The following ALDH1A2 variants were observed in gnomAD, a reference collection of about 807,000 sequenced individuals.
ALDH1A2 encodes aldehyde dehydrogenase 1 family member A2.
Under a neutral mutation model 60.3 loss-of-function variants are expected in ALDH1A2, and 27 were observed. The observed-to-expected ratio is 0.45, with a 90% CI of 0.33 to 0.62. The LOEUF (loss-of-function observed/expected upper bound fraction) is 0.62. Ranked by LOEUF, ALDH1A2 falls within the 20% of genes least tolerant of loss-of-function variation. The pLI is 0.02. For missense variants in ALDH1A2, 581 were observed against 643.8 expected, an observed-to-expected ratio of 0.90 and a Z score of 1.06; for synonymous variants, 289 against 232.4, an observed-to-expected ratio of 1.24 and a Z score of -2.21.
rs755530487 is a variant in ALDH1A2, at chr15:58,013,868, G to T, written c.353C>A (p.Ala118Glu). 32 of 1,614,040 alleles carry T rather than the reference G, an allele frequency of 2.0e-5. No homozygotes were observed. The highest frequency in any genetic ancestry group is 1.6e-4 in the Middle Eastern group (1 of 6,082). The change falls in exon 3 of 13, where the codon GCA becomes GAA. Residue 118 changes from alanine (A) to glutamate (E), a missense_variant. By Grantham distance (107) the Ala-to-Glu change is moderately radical. Around this residue, in one of 2 missense-constraint regions of ALDH1A2, gnomAD observed 206 missense variants for 174.1 expected, o/e 1.18. Coordinates refer to ENST00000249750, the MANE Select transcript of ALDH1A2 (RefSeq NM_003888.4). ...TCTTAGGTTACTTACTGCAAGAACTGCCCTGTCCCGTTCCACCAAGTCTGC... is the reference window on the plus strand; with the variant it reads ...TCTTAGGTTACTTACTGCAAGAACTTCCCTGTCCCGTTCCACCAAGTCTGC... The part of the protein sequence containing the change: ...KLADLVERDR[A>E]VLATMESLNG...
intron 12 of ALDH1A2, among the ~76,000 whole-genome samples, chr15:57,957,181 C>CA (rs1287155834): frequency 6.6e-6 from 1 of 152,192 alleles, no homozygotes; most frequent in Admixed American, 6.5e-5. Context: ...CAGGAGTGCC[C>CA]ACTCAGCTCT....
At chr15:58,062,995 T>C (rs1225132799) in intron 1 of ALDH1A2, among the ~76,000 whole-genome samples, 1 of 152,152 alleles carries the variant, frequency 6.6e-6, no homozygotes, top group Non-Finnish European at 1.5e-5. Context: ...ATTCTGGTCA[T>C]CTCCCCCATT....
At chr15:58,001,959 A>C (rs1295690151) in intron 4 of ALDH1A2, among the ~76,000 whole-genome samples, 2 of 151,868 alleles carry the variant, frequency 1.3e-5, no homozygotes, top group Non-Finnish European at 2.9e-5. Context: ...GATCAAAACA[A>C]ATACTAAGTC....
At chr15:57,979,487 C>G (rs901128611) in intron 7 of ALDH1A2, among the ~76,000 whole-genome samples, 4 of 152,098 alleles carry the variant, frequency 2.6e-5, no homozygotes, top group African/African-American at 9.7e-5. Context: ...TCACCATACA[C>G]ATATTGGGAT....
At chr15:58,035,014 A>G (rs1896341241) in intron 1 of ALDH1A2, among the ~76,000 whole-genome samples, 1 of 151,636 alleles carries the variant, frequency 6.6e-6, no homozygotes, top group Non-Finnish European at 1.5e-5. Flanking sequence ...CTCTGCTTCA[A>G]CTTTCTGGAA....
chr15:57,997,124 T>G (rs1895089953), intron 4 of ALDH1A2, among the ~76,000 whole-genome samples: 1 of 152,030 alleles, frequency 6.6e-6, no homozygotes, highest in Non-Finnish European at 1.5e-5. Flanking sequence ...TTAAAATATC[T>G]ATTACGAGAA....
At chr15:58,026,938 G>T (rs1050966455) in intron 1 of ALDH1A2, among the ~76,000 whole-genome samples, 1 of 152,226 alleles carries the variant, frequency 6.6e-6, no homozygotes, top group Admixed American at 6.5e-5. Flanking sequence ...ACCTCTGTGG[G>T]CAGGGCATAG....
intron 1 of ALDH1A2, among the ~76,000 whole-genome samples, chr15:58,044,909 T>G (rs1324539674): frequency 1.3e-5 from 2 of 151,940 alleles, no homozygotes; most frequent in African/African-American, 4.8e-5. Flanking sequence ...TGAGTCCTTT[T>G]TCATATGTTC....
chr15:57,972,422 C>A (rs1422060420), intron 7 of ALDH1A2, among the ~76,000 whole-genome samples: 1 of 152,194 alleles, frequency 6.6e-6, no homozygotes, highest in Non-Finnish European at 1.5e-5. Context: ...CTTTAAAAAT[C>A]AAGGTTTTGA....
chr15:58,013,825 G>A, intron 3 of ALDH1A2, 33 bp downstream of exon 3: 2 of 1,613,828 alleles, frequency 1.2e-6, no homozygotes, highest in Non-Finnish European at 1.7e-6. Flanking sequence ...GCAAATGTGG[G>A]TTAAAGACTT....
chr15:57,966,507 C>T (rs191525704), intron 7 of ALDH1A2, among the ~76,000 whole-genome samples: 1 of 152,184 alleles, frequency 6.6e-6, no homozygotes, highest in Non-Finnish European at 1.5e-5. Context: ...CCACTTAGAG[C>T]CCCTGCTCAA....
chr15:58,010,546 G>A, intron 4 of ALDH1A2, 103 bp downstream of exon 4: 5 of 1,473,440 alleles, frequency 3.4e-6, no homozygotes, highest in Non-Finnish European at 4.7e-6. Context: ...CTGTAAGTGT[G>A]CTCATATCTG....
At chr15:58,034,737 TTTTC>T (rs746639464) in intron 1 of ALDH1A2, among the ~76,000 whole-genome samples, 3 of 151,722 alleles carry the variant, frequency 2.0e-5, no homozygotes, top group Admixed American at 6.6e-5. Flanking sequence ...TCTCCTGATT[TTTTC>T]TTTGTCAGCC....
chr15:57,984,017 G>A (rs1279486466), intron 7 of ALDH1A2, among the ~76,000 whole-genome samples: 1 of 152,242 alleles, frequency 6.6e-6, no homozygotes, highest in Non-Finnish European at 1.5e-5. Context: ...ATGCTGCACT[G>A]AGAAATTATC....
chr15:58,013,581 G>T (rs746535162), intron 3 of ALDH1A2, among the ~76,000 whole-genome samples: 1 of 151,792 alleles, frequency 6.6e-6, no homozygotes, highest in East Asian at 1.9e-4. Flanking sequence ...GTGAAACCCC[G>T]TCTCTACTAA....
chr15:57,994,382 TTGTCTATAC>T (rs2140493010), intron 5 of ALDH1A2, among the ~76,000 whole-genome samples: 1 of 152,324 alleles, frequency 6.6e-6, no homozygotes, highest in East Asian at 1.9e-4. Context: ...AGAAAACTTC[TTGTCTATAC>T]TGTAAGAGTT....
intron 1 of ALDH1A2, among the ~76,000 whole-genome samples, chr15:58,031,927 C>T (rs534812660): frequency 1.3e-5 from 2 of 152,270 alleles, no homozygotes; most frequent in African/African-American, 4.8e-5. Flanking sequence ...CTAGTTCAAC[C>T]ATTGTGGAAG....
At chr15:58,010,577 T>A in intron 4 of ALDH1A2, 72 bp downstream of exon 4, 1 of 1,592,914 alleles carries the variant, frequency 6.3e-7, no homozygotes, top group Non-Finnish European at 8.6e-7. Flanking sequence ...GACTGCTGTT[T>A]GTGTTTGGTG....
intron 3 of ALDH1A2, 107 bp from the exon 4 acceptor site, chr15:58,010,885 G>A: frequency 7.3e-7 from 1 of 1,374,662 alleles, no homozygotes; most frequent in Non-Finnish European, 1.0e-6. Flanking sequence ...AATGCATATG[G>A]AGTTGCATAC....
Sources: gnomAD v4.1 joint callset for allele counts (sites outside exome capture counted in the v4.1 genomes callset) on GRCh38, gnomAD v4.1.1 for gene constraint, gnomAD v4.1.1 regional missense constraint, MANE v1.5 for transcripts, NCBI Gene and HGNC (gene_info 2026-07-23, HGNC 2026-07-21) for gene names.